Variants in ZNF718 observed in about 807,000 individuals in gnomAD.
ZNF718 encodes zinc finger protein 718.
In ZNF718, 3 loss-of-function variants were observed where a neutral mutation model predicts 2.6. That is an observed-to-expected ratio of 1.16 (90% CI 0.53 to 3.01). The LOEUF (loss-of-function observed/expected upper bound fraction) is 3.01, where lower values mean the gene tolerates loss of function less well. ZNF718 is among the 30% of genes most tolerant of loss of function. The pLI is 0.03. For synonymous variants in ZNF718, 135 were observed against 77.9 expected, an observed-to-expected ratio of 1.73 and a Z score of -3.86; for missense variants, 468 against 230.0, an observed-to-expected ratio of 2.03 and a Z score of -6.69.
intron 3 of ZNF718, among the ~76,000 whole-genome samples, chr4:146,093 A>G (rs1716046333): frequency 6.7e-6 from 1 of 149,530 alleles, no homozygotes; most frequent in Admixed American, 6.6e-5. Context: ...ATATATATAT[A>G]TATATATGTT....
chr4:155,303 T>A (rs1399370249), intron 3 of ZNF718, among the ~76,000 whole-genome samples: 2 of 152,124 alleles, frequency 1.3e-5, no homozygotes, highest in African/African-American at 4.8e-5. Flanking sequence ...GCCACTGTCC[T>A]CCAGGCCCCA....
At chr4:178,862 C>T (rs1717400393) in intron 3 of ZNF718, among the ~76,000 whole-genome samples, 1 of 152,096 alleles carries the variant, frequency 6.6e-6, no homozygotes. Context: ...CTCCACTAAG[C>T]GTTTCCCTTG....
chr4:154,467 G>A (rs1173545602), intron 3 of ZNF718, among the ~76,000 whole-genome samples: 1 of 152,142 alleles, frequency 6.6e-6, no homozygotes, highest in Non-Finnish European at 1.5e-5. Flanking sequence ...ATAATGATAT[G>A]GACAATGAAA....
intron 3 of ZNF718, among the ~76,000 whole-genome samples, chr4:139,052 T>C (rs1553809885): frequency 6.6e-6 from 1 of 152,218 alleles, no homozygotes; most frequent in East Asian, 1.9e-4. Flanking sequence ...AGTTTCCAGA[T>C]ATTTTCTCCC....
In ZNF718 at chr4:161,163, A is replaced by G; in HGVS notation, c.478A>G (p.Lys160Glu). The change falls in exon 4 of 4, where the codon AAA (lysine) becomes GAA (glutamate). Residue 160 changes from lysine to glutamate, a missense_variant. Lys to Glu is a moderately conservative substitution (Grantham distance 56). Coordinates refer to ENST00000510175, the MANE Select transcript of ZNF718 (RefSeq NM_001039127.6). ...KVFHKFSNSN[K>E]DKIRYTGDKT... ...TTTTCATAAATTTTCAAATTCAAAC[A>G]AAGATAAGATAAGATATACTGGAGA... is the stretch of plus-strand genomic sequence containing the variant. The G allele has an allele frequency of 1.3e-6, 1 of 763,126 alleles. No individual in the cohort carries two copies. Among genetic ancestry groups the G allele is most frequent in the Non-Finnish European group, 2.4e-6 (1 of 409,136 alleles). 47.3% of individuals were successfully genotyped at this position (763,126 alleles called of 1,614,324 possible). A position where few individuals can be genotyped will look rare whatever the true frequency, so the allele number is the denominator to read the frequency against.
intron 3 of ZNF718, among the ~76,000 whole-genome samples, chr4:151,023 C>T (rs184397932): frequency 1.3e-5 from 2 of 152,242 alleles, no homozygotes; most frequent in Non-Finnish European, 2.9e-5. Flanking sequence ...AATGGCTCTA[C>T]TAACTTACAA....
intron 3 of ZNF718, among the ~76,000 whole-genome samples, chr4:143,852 A>G (rs1381256645): frequency 6.6e-6 from 1 of 152,104 alleles, no homozygotes; most frequent in Non-Finnish European, 1.5e-5. Context: ...TGTGATCCCC[A>G]ATAGACAGGG....
intron 3 of ZNF718, among the ~76,000 whole-genome samples, chr4:147,585 A>G (rs1716123100): frequency 6.6e-6 from 1 of 151,862 alleles, no homozygotes; most frequent in Non-Finnish European, 1.5e-5. Context: ...GTTGATCAAT[A>G]TGACTAGTGC....
intron 3 of ZNF718, among the ~76,000 whole-genome samples, chr4:193,592 T>C (rs573089261): frequency 6.6e-6 from 1 of 152,248 alleles, no homozygotes; most frequent in East Asian, 1.9e-4. Flanking sequence ...ACTTAGTGGC[T>C]CAGAGAAGTA....
At chr4:195,825 G>A (rs983544285) in intron 3 of ZNF718, among the ~76,000 whole-genome samples, 2 of 152,088 alleles carry the variant, frequency 1.3e-5, no homozygotes, top group Admixed American at 6.5e-5. Context: ...AGGTAGTATT[G>A]GAGGGTTATA....
chr4:174,360 T>C (rs925765060), intron 3 of ZNF718, among the ~76,000 whole-genome samples: 12 of 152,260 alleles, frequency 7.9e-5, no homozygotes, highest in African/African-American at 2.9e-4. Context: ...AAATGGGTTA[T>C]CAAATGTGAA....
chr4:149,179 A>G (rs1477976557), intron 3 of ZNF718, among the ~76,000 whole-genome samples: 2 of 152,230 alleles, frequency 1.3e-5, no homozygotes, highest in East Asian at 1.9e-4. Flanking sequence ...ATCTGATTTC[A>G]AATTCAAAAT....
intron 1 of ZNF718, among the ~76,000 whole-genome samples, chr4:128,221 A>T (rs1389636067): frequency 0.025 from 2,563 of 103,890 alleles, 814 homozygotes; most frequent in African/African-American, 0.08. Flanking sequence ...AACTCACAGA[A>T]GACATTTTCT....
At chr4:177,763 T>C (rs1421561453) in intron 3 of ZNF718, among the ~76,000 whole-genome samples, 5 of 152,102 alleles carry the variant, frequency 3.3e-5, no homozygotes, top group Non-Finnish European at 7.4e-5. Context: ...AATGAGACAC[T>C]GATGAGTTCT....
At position 124,780 on chromosome 4, in the gene ZNF718, C is replaced by G. The variant is rs983406255; in HGVS notation, c.3+107C>G. ...GTGAATGGAGTTCCCGCTCAGCCCT[C>G]TGTCCTCAGTCCCCTCCGGTGAGGG... is the stretch of plus-strand genomic sequence containing the variant. On this transcript the variant is annotated intron_variant, in intron 1 of 3. Transcript: ENST00000510175. The G allele has an allele frequency of 2.2e-5, 33 of 1,489,910 alleles. No individual in the cohort carries two copies. In the South Asian group the frequency reaches 3.7e-4, roughly 17 times the overall value. The allele number at this position is 1,489,910 out of a possible 1,614,324, so 92.3% of individuals were successfully genotyped here. A position where few individuals can be genotyped will look rare whatever the true frequency, so the allele number is the denominator to read the frequency against.
intron 1 of ZNF718, among the ~76,000 whole-genome samples, chr4:127,329 T>C (rs1715264347): frequency 9.6e-6 from 1 of 104,356 alleles, no homozygotes; most frequent in African/African-American, 3.3e-5. Context: ...TACAGTCCCT[T>C]CTAGAGCAGT....
At chr4:189,533 T>C (rs1245006865) in intron 3 of ZNF718, among the ~76,000 whole-genome samples, 1 of 152,200 alleles carries the variant, frequency 6.6e-6, no homozygotes, top group Non-Finnish European at 1.5e-5. Flanking sequence ...AGTAAGTTTT[T>C]GATAAATTTA....
chr4:176,863 C>G (rs1470178654), intron 3 of ZNF718, among the ~76,000 whole-genome samples: 1 of 152,192 alleles, frequency 6.6e-6, no homozygotes, highest in Non-Finnish European at 1.5e-5. Context: ...GGCAGAATAT[C>G]AGATACTGGG....
At chr4:151,177 C>T (rs146741057) in intron 3 of ZNF718, among the ~76,000 whole-genome samples, 2,061 of 151,660 alleles carry the variant, frequency 0.014, 30 homozygotes, top group Non-Finnish European at 0.02. Flanking sequence ...ATCTCAGCTC[C>T]CTGCAACTTC....
Sources: gnomAD v4.1 joint callset for allele counts (sites outside exome capture counted in the v4.1 genomes callset) on GRCh38, gnomAD v4.1.1 for gene constraint, MANE v1.5 for transcripts, NCBI Gene and HGNC (gene_info 2026-07-23, HGNC 2026-07-21) for gene names.